NFIB: variants seen among roughly 807,000 people sequenced by gnomAD.
NFIB encodes the protein nuclear factor 1 B-type.
A neutral mutation model predicts 61.5 loss-of-function variants in NFIB; 11 were observed. The observed-to-expected ratio is 0.18, with a 90% CI of 0.11 to 0.30. The LOEUF (loss-of-function observed/expected upper bound fraction) is 0.30. NFIB is among the 10% of genes least tolerant of loss of function. The pLI is 1.00. For missense variants in NFIB, 471 were observed against 608.9 expected, an observed-to-expected ratio of 0.77 and a Z score of 2.38; for synonymous variants, 260 against 216.5, an observed-to-expected ratio of 1.20 and a Z score of -1.76.
At chr9:14,322,670 A>C (rs1359520072) in intron 1 of NFIB, among the ~76,000 whole-genome samples, 1 of 147,838 alleles carries the variant, frequency 6.8e-6, no homozygotes, top group African/African-American at 2.5e-5. Context: ...CGAAAGGAGG[A>C]GCCGGGGGCG....
At chr9:14,344,290 GT>G (rs2132884010) in intron 1 of NFIB, among the ~76,000 whole-genome samples, 1 of 152,054 alleles carries the variant, frequency 6.6e-6, no homozygotes, top group Non-Finnish European at 1.5e-5. Context: ...GGTGATGGGG[GT>G]GCGAGAGTGG....
intron 4 of NFIB, among the ~76,000 whole-genome samples, chr9:14,153,493 G>A (rs1252295227): frequency 6.6e-6 from 1 of 152,082 alleles, no homozygotes; most frequent in African/African-American, 2.4e-5. Context: ...TATCCTCTTA[G>A]AAATGAAGCA....
chr9:14,134,507 C>T (rs554219343), intron 6 of NFIB, among the ~76,000 whole-genome samples: 4 of 152,184 alleles, frequency 2.6e-5, no homozygotes, highest in Non-Finnish European at 5.9e-5. Context: ...CTTTATAATA[C>T]AAAAACTCCA....
chr9:14,366,486 CTT>C (rs58899172), intron 1 of NFIB, among the ~76,000 whole-genome samples: 1 of 147,686 alleles, frequency 6.8e-6, no homozygotes. Flanking sequence ...TAATTTTATT[CTT>C]TTTTTTTTTC....
chr9:14,387,967 G>T (rs550120974), intron 1 of NFIB, among the ~76,000 whole-genome samples: 55 of 152,262 alleles, frequency 3.6e-4, no homozygotes, highest in Non-Finnish European at 6.5e-4. Flanking sequence ...CCAACTGTGA[G>T]GCACTGCTAT....
intron 4 of NFIB, among the ~76,000 whole-genome samples, chr9:14,152,420 G>A (rs1263703801): frequency 6.6e-6 from 1 of 152,050 alleles, no homozygotes; most frequent in Non-Finnish European, 1.5e-5. Context: ...TTAGAACCAT[G>A]TTCTATATGA....
intron 4 of NFIB, among the ~76,000 whole-genome samples, chr9:14,153,481 G>A (rs1027453024): frequency 1.3e-5 from 2 of 152,038 alleles, no homozygotes; most frequent in Non-Finnish European, 2.9e-5. Context: ...AGAGGATGCC[G>A]ATATCCTCTT....
the NFIB span, among the ~76,000 whole-genome samples, chr9:14,481,885 C>G: frequency 6.6e-6 from 1 of 152,080 alleles, no homozygotes; most frequent in African/African-American, 2.4e-5. Context: ...TTCCCCAGTT[C>G]TGACACAGTC....
chr9:14,403,412 T>TC (rs1484371940), upstream of NFIB, among the ~76,000 whole-genome samples: 1 of 152,160 alleles, frequency 6.6e-6, no homozygotes, highest in African/African-American at 2.4e-5. Flanking sequence ...CCCAGAAATT[T>TC]CCCTTTTTTG....
the NFIB span, among the ~76,000 whole-genome samples, chr9:14,446,077 T>C: frequency 1.3e-5 from 2 of 152,200 alleles, no homozygotes; most frequent in African/African-American, 4.8e-5. Context: ...CCAGCTTTCA[T>C]TGCTGAGATA....
intron 2 of NFIB, among the ~76,000 whole-genome samples, chr9:14,220,660 C>T (rs2051532119): frequency 1.3e-5 from 2 of 152,088 alleles, no homozygotes; most frequent in African/African-American, 4.8e-5. Context: ...CTCTCAACCT[C>T]GTAAACTTCA....
intron 2 of NFIB, among the ~76,000 whole-genome samples, chr9:14,302,901 C>A (rs1350354180): frequency 6.6e-6 from 1 of 152,154 alleles, no homozygotes; most frequent in Non-Finnish European, 1.5e-5. Flanking sequence ...CGGTGGTTAA[C>A]TGAAAAGCAA....
the NFIB span, among the ~76,000 whole-genome samples, chr9:14,477,748 G>C: frequency 2.0e-5 from 3 of 152,246 alleles, no homozygotes; most frequent in African/African-American, 7.2e-5. Context: ...ATAATGGAAA[G>C]TGGAGAACGT....
In NFIB at chr9:14,278,333, T is replaced by C. The variant is rs138220952; in HGVS notation, c.562+28656A>G. 2.6e-5 allele frequency among the ~76,000 whole-genome samples: 4 copies of C among 152,356 alleles called. No homozygotes were observed. In the East Asian group the frequency reaches 5.8e-4, roughly 22 times the overall value. On this transcript the variant is annotated intron_variant, in intron 2 of 10. Coordinates refer to ENST00000380953, the MANE Select transcript of NFIB (RefSeq NM_001190737.2). Reference sequence around the variant, plus strand: ...ACCAAATGTTGACAGTGGTCCATTGTTAATTGAGTCGTGCGAAGCTACAGA... The same window carrying C: ...ACCAAATGTTGACAGTGGTCCATTGCTAATTGAGTCGTGCGAAGCTACAGA...
Position 14,120,348 on chromosome 9 carries a change from C to A in NFIB, c.1245+92G>T. ...ATGGATTTCAAGGCTTGACGTTCTG[C>A]CAGACACACTGTCTGACTAACCTTT... is the stretch of plus-strand genomic sequence containing the variant. On this transcript the variant is annotated intron_variant, in intron 8 of 10. Coordinates refer to ENST00000380953, the MANE Select transcript of NFIB (RefSeq NM_001190737.2). This position sits in a 1 kb window ranked among gnomAD's most constrained non-coding sequence, Gnocchi z 4.4. 4 of 1,341,232 alleles carry A rather than the reference C, an allele frequency of 3.0e-6. No homozygotes were observed. Among genetic ancestry groups the A allele is most frequent in the Non-Finnish European group, 4.3e-6 (4 of 936,662 alleles). The allele number at this position is 1,341,232 out of a possible 1,614,324, so 83.1% of individuals were successfully genotyped here.
intron 1 of NFIB, among the ~76,000 whole-genome samples, chr9:14,394,127 G>A (rs2061655635): frequency 1.3e-5 from 2 of 152,190 alleles, no homozygotes; most frequent in South Asian, 4.1e-4. Flanking sequence ...TGCAGATGCA[G>A]GGGTGAATAA....
intron 6 of NFIB, among the ~76,000 whole-genome samples, chr9:14,134,197 T>C (rs1299576893): frequency 3.9e-5 from 6 of 152,206 alleles, no homozygotes; most frequent in East Asian, 1.9e-4. Context: ...ATGTGCTACA[T>C]TGAAATTATT....
intron 10 of NFIB, among the ~76,000 whole-genome samples, chr9:14,089,364 TA>T (rs577188593): frequency 0.1 from 13,382 of 134,348 alleles, 1,776 homozygotes; most frequent in African/African-American, 0.31. Flanking sequence ...TACAGGCTGT[TA>T]AAAAAAAAAA....
intron 2 of NFIB, among the ~76,000 whole-genome samples, chr9:14,204,080 A>T (rs999703919): frequency 6.6e-6 from 1 of 152,234 alleles, no homozygotes. Context: ...GTGTATGAAA[A>T]ATGAAAACCA....
Sources: gnomAD v4.1 joint callset for allele counts (sites outside exome capture counted in the v4.1 genomes callset) on GRCh38, gnomAD v4.1.1 for gene constraint, Gnocchi (gnomAD v3.1) non-coding constraint, MANE v1.5 for transcripts, NCBI Gene and HGNC (gene_info 2026-07-23, HGNC 2026-07-21) for gene names.